DGKI: variants seen among roughly 807,000 people sequenced by gnomAD.
DGKI encodes the protein diacylglycerol kinase iota.
In DGKI, 55 loss-of-function variants were observed where a neutral mutation model predicts 147.5. That is an observed-to-expected ratio of 0.37 (90% CI 0.30 to 0.47). DGKI has a LOEUF of 0.47. DGKI is among the 20% of genes least tolerant of loss of function. The probability of loss-of-function intolerance (pLI) is 1.00; values close to 1 mark genes in which losing one functional copy is unlikely to be tolerated. For synonymous variants in DGKI, 469 were observed against 477.1 expected, an observed-to-expected ratio of 0.98 and a Z score of 0.22; for missense variants, 1,007 against 1,323.8, an observed-to-expected ratio of 0.76 and a Z score of 3.71.
intron 20 of DGKI, among the ~76,000 whole-genome samples, chr7:137,548,367 G>A (rs1198903072): frequency 6.6e-6 from 1 of 152,216 alleles, no homozygotes; most frequent in Non-Finnish European, 1.5e-5. Context: ...CCCCGATGTT[G>A]TATGTGGGGC....
chr7:137,643,945 C>T (rs1195534398), intron 6 of DGKI, among the ~76,000 whole-genome samples: 2 of 152,212 alleles, frequency 1.3e-5, no homozygotes, highest in Non-Finnish European at 2.9e-5. Context: ...TCTTACTACT[C>T]TTTACATCTC....
Position 137,391,353 on chromosome 7 carries a change from AG to A in DGKI, c.3058-18del. 2.7e-6 allele frequency: 4 copies of A among 1,456,190 alleles called. No individual in the cohort carries two copies. The highest frequency in any genetic ancestry group is 3.7e-6 in the Non-Finnish European group (4 of 1,079,182). The allele number at this position is 1,456,190 out of a possible 1,614,324, so 90.2% of individuals were successfully genotyped here. On this transcript the variant is annotated intron_variant, in intron 32 of 32. Transcript: ENST00000614521. ...TGTCTTACCCTATACGAAAATAGTG[AG>A]AAAAAAAAAAAGAGAGAGAGAGATA...
Position 137,386,056 on chromosome 7 carries a change from T to C in DGKI, c.*5164A>G, listed in dbSNP as rs1314571594. ...ATGGACATATGATTACATGCATAAC[T>C]GAATACATATGTAAATAGACTCTGG... On this transcript the variant is annotated 3_prime_UTR_variant, in exon 33 of 33. Transcript: ENST00000614521. 3 of 152,182 alleles carry C rather than the reference T, an allele frequency of 2.0e-5. No individual in the cohort carries two copies. Among genetic ancestry groups the C allele is most frequent in the Admixed American group, 2.0e-4 (3 of 15,264 alleles). The allele number at this position is 152,182 out of a possible 1,614,324, so 9.4% of individuals were successfully genotyped here. A position where few individuals can be genotyped will look rare whatever the true frequency, so the allele number is the denominator to read the frequency against.
At chr7:137,428,457 C>A (rs1482152411) in intron 28 of DGKI, among the ~76,000 whole-genome samples, 5 of 152,238 alleles carry the variant, frequency 3.3e-5, no homozygotes, top group South Asian at 2.1e-4. Flanking sequence ...ACTGAATGGG[C>A]AAAAACTGGA....
chr7:137,454,288 C>T (rs1814095897), intron 27 of DGKI, among the ~76,000 whole-genome samples: 1 of 152,112 alleles, frequency 6.6e-6, no homozygotes, highest in African/African-American at 2.4e-5. Context: ...TTTAAAAAAA[C>T]GCTGTTTTAC....
chr7:137,741,159 A>G (rs1281910389), intron 1 of DGKI, among the ~76,000 whole-genome samples: 1 of 152,352 alleles, frequency 6.6e-6, no homozygotes, highest in African/African-American at 2.4e-5. Flanking sequence ...CAGAAACACC[A>G]AAAGGAGAAA....
At position 137,513,569 on chromosome 7, in the gene DGKI, T is replaced by A. The variant is rs189727081; in HGVS notation, c.2248+8297A>T. On this transcript the variant is annotated intron_variant, in intron 21 of 32. Coordinates refer to ENST00000614521, the MANE Select transcript of DGKI (RefSeq NM_001321708.2). ...TATGTCATTTAATGAAAGGGATGTG[T>A]TTTAAGAAACATGTCGTTAGGTGAT... Among the ~76,000 whole-genome samples the A allele has an allele frequency of 5.9e-5, 9 of 152,308 alleles. No individual in the cohort carries two copies. In the East Asian group the frequency reaches 1.7e-3, roughly 29 times the overall value.
chr7:137,402,041 T>C (rs1029834179), intron 30 of DGKI, among the ~76,000 whole-genome samples: 4 of 152,348 alleles, frequency 2.6e-5, no homozygotes, highest in Admixed American at 6.5e-5. Context: ...AACTTCACCA[T>C]ACTTCAGTTT....
chr7:137,738,037 T>C (rs980841839), intron 1 of DGKI, among the ~76,000 whole-genome samples: 29 of 152,136 alleles, frequency 1.9e-4, no homozygotes, highest in Admixed American at 2.6e-4. Flanking sequence ...ATTAAGAGTT[T>C]TCATGTTCTA....
In DGKI at chr7:137,387,455, T is replaced by C. The variant is rs1811208192; in HGVS notation, c.*3765A>G. On this transcript the variant is annotated 3_prime_UTR_variant, in exon 33 of 33. Transcript: ENST00000614521. Reference sequence around the variant, plus strand: ...TTTGCCTACTGGTGTTCACTAGACATATACAAATGATCAGCATGCTTTTAA... The same window carrying C: ...TTTGCCTACTGGTGTTCACTAGACACATACAAATGATCAGCATGCTTTTAA... The C allele has an allele frequency of 6.6e-6, 1 of 152,186 alleles. No homozygotes were observed. The highest frequency in any genetic ancestry group is 1.5e-5 in the Non-Finnish European group (1 of 68,030). 9.4% of individuals were successfully genotyped at this position (152,186 alleles called of 1,614,324 possible).
At chr7:137,578,219 G>T in intron 16 of DGKI, 51 bp downstream of exon 16, 2 of 1,309,948 alleles carry the variant, frequency 1.5e-6, no homozygotes, top group Non-Finnish European at 2.2e-6. Context: ...GATACACAGT[G>T]AATTGGCAAT....
chr7:137,693,437 A>G (rs964684315), intron 1 of DGKI, among the ~76,000 whole-genome samples: 7 of 152,246 alleles, frequency 4.6e-5, no homozygotes, highest in Middle Eastern at 3.2e-3. Context: ...TAGATATGAA[A>G]AGAAAATATC....
At chr7:137,509,889 A>G (rs910250609) in intron 21 of DGKI, among the ~76,000 whole-genome samples, 1 of 152,166 alleles carries the variant, frequency 6.6e-6, no homozygotes, top group African/African-American at 2.4e-5. Context: ...TCTCTTTCCA[A>G]ATCTTTGGCA....
rs566966810 is a variant in DGKI at position 137,742,316 on chromosome 7, T to TA, written c.402-52315dup. Among the ~76,000 whole-genome samples, 275 of 148,106 alleles carry TA rather than the reference T, an allele frequency of 1.9e-3. 1 individual carries two copies. The highest frequency in any genetic ancestry group is 5.9e-3 in the African/African-American group (238 of 40,416). On this transcript the variant is annotated intron_variant, in intron 1 of 32. Coordinates refer to ENST00000614521, the MANE Select transcript of DGKI (RefSeq NM_001321708.2). ...TGGTGCGCTGTTACATCCAAAAGGATAAAAAAAAAATAAAGGAAGAAACAG... is the reference window on the plus strand; with the variant it reads ...TGGTGCGCTGTTACATCCAAAAGGATAAAAAAAAAAATAAAGGAAGAAACAG...
At chr7:137,717,891 T>C (rs1051922006) in intron 1 of DGKI, among the ~76,000 whole-genome samples, 4 of 152,214 alleles carry the variant, frequency 2.6e-5, no homozygotes, top group African/African-American at 2.4e-5. Flanking sequence ...CAGCCTCTGA[T>C]TGATTTAAAC....
At chr7:137,824,205 T>C (rs1468058148) in intron 1 of DGKI, among the ~76,000 whole-genome samples, 1 of 151,882 alleles carries the variant, frequency 6.6e-6, no homozygotes, top group Non-Finnish European at 1.5e-5. Context: ...GAAATGAAAG[T>C]ATGGGAGAGA....
intron 19 of DGKI, among the ~76,000 whole-genome samples, chr7:137,556,998 C>T (rs1455221874): frequency 1.3e-5 from 2 of 150,284 alleles, no homozygotes; most frequent in African/African-American, 5.0e-5. Context: ...AAAAGAAGAA[C>T]CTTCCCAGAA....
At chr7:137,399,136 C>T (rs2128895084) in intron 30 of DGKI, among the ~76,000 whole-genome samples, 1 of 152,146 alleles carries the variant, frequency 6.6e-6, no homozygotes, top group Non-Finnish European at 1.5e-5. Context: ...TAGTCTGTGA[C>T]AAGGTCCTCT....
At chr7:137,604,860 C>A (rs1214132592) in intron 10 of DGKI, among the ~76,000 whole-genome samples, 1 of 152,070 alleles carries the variant, frequency 6.6e-6, no homozygotes, top group African/African-American at 2.4e-5. Context: ...GAGTCCAGGA[C>A]CTCAAAGAAA....
Sources: gnomAD v4.1 joint callset for allele counts (sites outside exome capture counted in the v4.1 genomes callset) on GRCh38, gnomAD v4.1.1 for gene constraint, MANE v1.5 for transcripts, NCBI Gene and HGNC (gene_info 2026-07-23, HGNC 2026-07-21) for gene names.